The following PRTG variants were observed in gnomAD, a reference collection of about 807,000 sequenced individuals.
The protein encoded by PRTG is protogenin, also known as immunoglobulin superfamily, DCC subclass, member 5.
PRTG carries 67 observed loss-of-function variants against 122.5 expected under a neutral mutation model. That is an observed-to-expected ratio of 0.55 (90% CI 0.45 to 0.67). The LOEUF (loss-of-function observed/expected upper bound fraction) is 0.67, where lower values mean the gene tolerates loss of function less well. PRTG is among the 30% of genes least tolerant of loss of function. The pLI, the probability that PRTG is intolerant of heterozygous loss-of-function variation, is 0.00. For synonymous variants in PRTG, 554 were observed against 501.1 expected (o/e 1.11, Z -1.41); for missense variants, 1,435 against 1,415.4 (o/e 1.01, Z -0.22).
Position 55,638,561 on chromosome 15 carries a change from T to G in PRTG, c.2440A>C (p.Thr814Pro). 1.2e-6 allele frequency: 2 copies of G among 1,608,678 alleles called. No individual in the cohort carries two copies. The highest frequency in any genetic ancestry group is 1.1e-5 in the South Asian group (1 of 89,786). ...CTGTTTTCTTTACCTTCTGGAAGAGTAGAATGGTAGACTACAGGGCTCCAA... is the reference window on the plus strand; with the variant it reads ...CTGTTTTCTTTACCTTCTGGAAGAGGAGAATGGTAGACTACAGGGCTCCAA... Reference protein sequence around the residue: ...SPWSPVVYHSTLPEAPAGPPV... With the variant: ...SPWSPVVYHSPLPEAPAGPPV... The change falls in exon 14 of 20, where the codon ACT (threonine) becomes CCT (proline). Residue 814 changes from threonine to proline, a missense_variant. Transcript: ENST00000389286.
intron 12 of PRTG, among the ~76,000 whole-genome samples, chr15:55,640,238 A>T (rs960381262): frequency 6.6e-6 from 1 of 152,242 alleles, no homozygotes; most frequent in African/African-American, 2.4e-5. Context: ...CAACTGTAAC[A>T]CAATGGTATT....
At position 55,688,632 on chromosome 15, in the gene PRTG, C is replaced by G. The variant is rs2059583755; in HGVS notation, c.398-4701G>C. Among the ~76,000 whole-genome samples, 6 of 152,060 alleles carry G rather than the reference C, an allele frequency of 3.9e-5. No homozygotes were observed. The South Asian group carries it at 1.2e-3, about 32-fold the overall frequency. On this transcript the variant is annotated intron_variant, in intron 2 of 19. Coordinates refer to ENST00000389286, the MANE Select transcript of PRTG (RefSeq NM_173814.6). ...AGGCAGATCACAAAGTCAAGAGATC[C>G]AGACCATCCTGGCCAACATGGTGAA...
chr15:55,643,045 C>A (rs1341304420), intron 11 of PRTG, among the ~76,000 whole-genome samples: 1 of 152,076 alleles, frequency 6.6e-6, no homozygotes, highest in Non-Finnish European at 1.5e-5. Flanking sequence ...CGTACTCCAG[C>A]CTGGGCAACA....
chr15:55,684,374 G>T (rs1158915940), intron 2 of PRTG, among the ~76,000 whole-genome samples: 1 of 152,122 alleles, frequency 6.6e-6, no homozygotes, highest in African/African-American at 2.4e-5. Context: ...TTAGATGGGG[G>T]TGGTGGTGGT....
intron 15 of PRTG, 57 bp from the exon 16 acceptor site, chr15:55,629,061 T>C: frequency 1.6e-6 from 2 of 1,225,490 alleles, no homozygotes; most frequent in African/African-American, 1.5e-5. Flanking sequence ...CTTTCACTCA[T>C]ATTATACAAA....
chr15:55,630,935 G>T (rs967677771), intron 15 of PRTG, among the ~76,000 whole-genome samples: 4 of 152,080 alleles, frequency 2.6e-5, no homozygotes, highest in African/African-American at 9.7e-5. Flanking sequence ...CTGGCCAAAG[G>T]TACCTACTCC....
chr15:55,740,568 T>A lies in PRTG; in HGVS notation c.211A>T (p.Thr71Ser), dbSNP rs1178330945. 6.2e-6 allele frequency: 10 copies of A among 1,614,196 alleles called. No individual in the cohort carries two copies. The South Asian group carries it at 7.7e-5, about 12-fold the overall frequency. ...ATTTTTGCTCCATTTTTCAACCATG[T>A]GACCTTAATAGGAACTTCTCCGTGA... ...QAHGEVPIKVTWLKNGAKMSE... is the reference protein window; with the variant it reads ...QAHGEVPIKVSWLKNGAKMSE... The change falls in exon 2 of 20, where the codon ACA becomes TCA. Residue 71 changes from threonine (T) to serine (S), a missense_variant. Physicochemically the swap from Thr to Ser is moderately conservative, Grantham distance 58 (BLOSUM62 1). Transcript: ENST00000389286.
At position 55,665,668 on chromosome 15, in the gene PRTG, C is replaced by T. The variant is rs1024157652; in HGVS notation, c.2041+6777G>A. ...TGAAGCAATTCTCCTGCTTCAGCCTCCTGAGTAGCTAGGATTACAGGCATG... is the reference window on the plus strand; with the variant it reads ...TGAAGCAATTCTCCTGCTTCAGCCTTCTGAGTAGCTAGGATTACAGGCATG... On this transcript the variant is annotated intron_variant, in intron 11 of 19. Transcript: ENST00000389286. 7.2e-5 allele frequency among the ~76,000 whole-genome samples: 11 copies of T among 151,860 alleles called. No homozygotes were observed. In the South Asian group the frequency reaches 1.5e-3, roughly 20 times the overall value.
intron 2 of PRTG, among the ~76,000 whole-genome samples, chr15:55,733,993 A>G (rs1338153986): frequency 1.3e-5 from 2 of 152,214 alleles, no homozygotes; most frequent in Non-Finnish European, 2.9e-5. Context: ...CTACTTTCGG[A>G]AACATCAGGG....
chr15:55,684,699 G>A (rs555908490), intron 2 of PRTG, among the ~76,000 whole-genome samples: 1 of 12,904 alleles, frequency 7.7e-5, no homozygotes, highest in African/African-American at 8.3e-5. Flanking sequence ...ACTGGGTGGT[G>A]GCAGTGGAAT....
At chr15:55,712,227 A>T (rs1294196785) in intron 2 of PRTG, among the ~76,000 whole-genome samples, 4 of 152,230 alleles carry the variant, frequency 2.6e-5, no homozygotes, top group Non-Finnish European at 5.9e-5. Context: ...TGAACTCTAG[A>T]GGGTTAATGA....
At chr15:55,742,639 G>A in intron 1 of PRTG, 199 bp downstream of exon 1, 1 of 611,220 alleles carries the variant, frequency 1.6e-6, no homozygotes, top group South Asian at 2.1e-5. Flanking sequence ...CCCAAGCAGC[G>A]CAGAGGCCGC....
At position 55,683,809 on chromosome 15, in the gene PRTG, T is replaced by C. The variant is rs776596363; in HGVS notation, c.520A>G (p.Thr174Ala). 1 of 1,613,928 alleles carries C rather than the reference T, an allele frequency of 6.2e-7. No homozygotes were observed. Among genetic ancestry groups the C allele is most frequent in the South Asian group, 1.1e-5 (1 of 91,036 alleles). ...TACCTGTCCATAGTCATAGGTAGAG[T>C]TGTCCGATTGAACTCCCATGTTATG... is the stretch of plus-strand genomic sequence containing the variant. ...AVITWEFNRT[T>A]LPMTMDRITA... The change falls in exon 3 of 20, where the codon ACT becomes GCT. Residue 174 changes from threonine (T) to alanine (A), a missense_variant. Physicochemically the swap from Thr to Ala is moderately conservative, Grantham distance 58. Transcript: ENST00000389286.
intron 11 of PRTG, among the ~76,000 whole-genome samples, chr15:55,662,623 G>A (rs536371446): frequency 6.6e-6 from 1 of 152,032 alleles, no homozygotes; most frequent in African/African-American, 2.4e-5. Flanking sequence ...TACCTATATT[G>A]AAAAATTTCA....
chr15:55,674,901 C>T (rs189609172), intron 9 of PRTG, among the ~76,000 whole-genome samples: 2 of 152,172 alleles, frequency 1.3e-5, no homozygotes, highest in African/African-American at 4.8e-5. Context: ...GGTATGAAGA[C>T]TCAGAGGAGG....
Position 55,680,058 on chromosome 15 carries a change from TAC to T in PRTG, c.967_968del (p.Val323IlefsTer8). On this transcript the variant is annotated frameshift_variant, in exon 6 of 20. Transcript: ENST00000389286. LOFTEE classifies it high-confidence loss of function. ...TGCAGAATGAAAGGAACATACCTAA[TAC>T]AGTTAAAGTTGCCATAGCAACTGTA... ...NFTVAMATLT[V>X]LAPPSFVEWP... is the part of the protein sequence containing the mutation. 1 of 1,613,228 alleles carries T rather than the reference TAC, an allele frequency of 6.2e-7. No homozygotes were observed. Among genetic ancestry groups the T allele is most frequent in the Non-Finnish European group, 8.5e-7 (1 of 1,179,350 alleles).
intron 2 of PRTG, among the ~76,000 whole-genome samples, chr15:55,703,661 C>G (rs1423744554): frequency 6.6e-6 from 1 of 152,148 alleles, no homozygotes; most frequent in Non-Finnish European, 1.5e-5. Flanking sequence ...AAATTACCAC[C>G]AACATTCTTT....
intron 2 of PRTG, among the ~76,000 whole-genome samples, chr15:55,726,636 C>T (rs1567116717): frequency 4.6e-5 from 6 of 131,046 alleles, no homozygotes; most frequent in African/African-American, 1.2e-4. Flanking sequence ...AGCGAATCTT[C>T]GTCTCAAAAA....
rs561102114 is a variant in PRTG at position 55,738,693 on chromosome 15, T to A, written c.397+1689A>T. 12 of 404,906 alleles carry A rather than the reference T, an allele frequency of 3.0e-5. No individual in the cohort carries two copies. The East Asian group carries it at 4.4e-4, about 15-fold the overall frequency. The allele number at this position is 404,906 out of a possible 1,614,324, so 25.1% of individuals were successfully genotyped here. ...AAAAACCATTACTCCATGAAAAAAA[T>A]AATTATTGGCCAATGATTACGGGGG... On this transcript the variant is annotated intron_variant, in intron 2 of 19. Coordinates refer to ENST00000389286, the MANE Select transcript of PRTG (RefSeq NM_173814.6).
Sources: gnomAD v4.1 joint callset for allele counts (sites outside exome capture counted in the v4.1 genomes callset) on GRCh38, gnomAD v4.1.1 for gene constraint, MANE v1.5 for transcripts, NCBI Gene and HGNC (gene_info 2026-07-23, HGNC 2026-07-21) for gene names.